NCOR1: variants seen among roughly 807,000 people sequenced by gnomAD.
The protein encoded by NCOR1 is protein phosphatase 1, regulatory subunit 109.
Under a neutral mutation model 288.1 loss-of-function variants are expected in NCOR1, and 63 were observed. The observed-to-expected ratio is 0.22, with a 90% confidence interval of 0.18 to 0.27. The LOEUF is 0.27. NCOR1 is among the 10% of genes least tolerant of loss of function. The probability of loss-of-function intolerance (pLI) is 1.00; values close to 1 mark genes in which losing one functional copy is unlikely to be tolerated. For missense variants in NCOR1, 2,397 were observed against 3,019.2 expected (o/e 0.79, Z 4.83); for synonymous variants, 1,007 against 1,065.9 (o/e 0.94, Z 1.08).
Position 16,068,509 on chromosome 17 carries a change from G to A in NCOR1, c.4514-388C>T. 4 of 213,476 alleles carry A rather than the reference G, an allele frequency of 1.9e-5. No individual in the cohort carries two copies. In the South Asian group the frequency reaches 2.0e-4, roughly 11 times the overall value. 13.2% of individuals were successfully genotyped at this position (213,476 alleles called of 1,614,324 possible). A position where few individuals can be genotyped will look rare whatever the true frequency, so the allele number is the denominator to read the frequency against. Reference sequence around the variant, plus strand: ...ACTTCAGTTTTCTCTCATTGCCTGTGTTATGCAACCTCCTTCCTACCCATT... The same window carrying A: ...ACTTCAGTTTTCTCTCATTGCCTGTATTATGCAACCTCCTTCCTACCCATT... On this transcript the variant is annotated intron_variant, in intron 31 of 45. Coordinates refer to ENST00000268712, the MANE Select transcript of NCOR1 (RefSeq NM_006311.4).
At chr17:16,202,096 C>A (rs974801756) in intron 1 of NCOR1, among the ~76,000 whole-genome samples, 3 of 151,930 alleles carry the variant, frequency 2.0e-5, no homozygotes, top group African/African-American at 7.3e-5. Context: ...TAGTGGCGCA[C>A]GCCTGTAATC....
intron 23 of NCOR1, 92 bp from the exon 24 acceptor site, chr17:16,080,819 T>TA: frequency 8.0e-7 from 1 of 1,256,140 alleles, no homozygotes; most frequent in Non-Finnish European, 1.1e-6. Flanking sequence ...CCATTTCTGT[T>TA]TAAAAAAAAA....
chr17:16,102,502 T>C (rs556395057), intron 19 of NCOR1, among the ~76,000 whole-genome samples: 22 of 152,190 alleles, frequency 1.4e-4, no homozygotes, highest in Non-Finnish European at 2.9e-4. Flanking sequence ...CATTTTAACA[T>C]GTGATCAATA....
At chr17:16,215,057 G>A (rs2092435890) in intron 1 of NCOR1, among the ~76,000 whole-genome samples, 1 of 152,166 alleles carries the variant, frequency 6.6e-6, no homozygotes, top group Non-Finnish European at 1.5e-5. Flanking sequence ...GGCCCTGTAG[G>A]CTCCGCACGC....
intron 1 of NCOR1, among the ~76,000 whole-genome samples, chr17:16,209,699 C>A (rs1298783196): frequency 6.6e-6 from 1 of 150,660 alleles, no homozygotes; most frequent in Non-Finnish European, 1.5e-5. Context: ...CGCCTGTAAT[C>A]CCAACACTTT....
At chr17:16,104,720 T>C (rs2068264621) in intron 19 of NCOR1, among the ~76,000 whole-genome samples, 1 of 152,134 alleles carries the variant, frequency 6.6e-6, no homozygotes, top group Admixed American at 6.5e-5. Context: ...TGCAGTGAGC[T>C]GTGTTCACGC....
At chr17:16,205,950 A>G (rs917033681) in intron 1 of NCOR1, among the ~76,000 whole-genome samples, 26 of 151,972 alleles carry the variant, frequency 1.7e-4, no homozygotes, top group South Asian at 4.1e-4. Flanking sequence ...AAAAAAAAAA[A>G]AAAGAAAGAA....
Position 16,034,909 on chromosome 17 carries a change from T to C in NCOR1, c.6991A>G (p.Asn2331Asp). Reference sequence around the variant, plus strand: ...ATAGGAGACTTAGATTTCCTGCTGTTTGACTTGCTGATCAGCTTTGGTTTG... The same window carrying C: ...ATAGGAGACTTAGATTTCCTGCTGTCTGACTTGCTGATCAGCTTTGGTTTG... Reference protein sequence around the residue: ...VCKPKLISKSNSRKSKSPIPG... With the variant: ...VCKPKLISKSDSRKSKSPIPG... Residue 2331 changes from asparagine to aspartate, a missense_variant, in exon 45 of 46, where the codon AAC becomes GAC. Physicochemically the swap from Asn to Asp is conservative, Grantham distance 23 (BLOSUM62 1). Coordinates refer to ENST00000268712, the MANE Select transcript of NCOR1 (RefSeq NM_006311.4). The C allele has an allele frequency of 6.2e-7, 1 of 1,614,170 alleles. No homozygotes were observed. Among genetic ancestry groups the C allele is most frequent in the Non-Finnish European group, 8.5e-7 (1 of 1,180,018 alleles).
Position 16,070,314 on chromosome 17 carries a change from C to A in NCOR1, c.4364G>T (p.Gly1455Val). Residue 1455 changes from glycine (G) to valine (V), a missense_variant, in exon 31 of 46, where the codon GGC becomes GTC. Transcript: ENST00000268712. ...CAGTGTGGACCTAAGAACGGAGGGG[C>A]CAGAGCTTACCACTGACGTGTGCCG... ...RSRHTSVVSS[G>V]PSVLRSTLHE... 1 of 1,614,040 alleles carries A rather than the reference C, an allele frequency of 6.2e-7. No homozygotes were observed. Among genetic ancestry groups the A allele is most frequent in the Non-Finnish European group, 8.5e-7 (1 of 1,180,012 alleles).
chr17:16,068,715 ATTTTTTTT>A (rs11438641), intron 31 of NCOR1, among the ~76,000 whole-genome samples: 1 of 135,268 alleles, frequency 7.4e-6, no homozygotes, highest in East Asian at 2.1e-4. Flanking sequence ...ATCATCCTCA[ATTTTTTTT>A]TTTTTTTTTT....
chr17:16,107,187 G>A (rs1406289133), intron 19 of NCOR1, among the ~76,000 whole-genome samples: 3 of 152,000 alleles, frequency 2.0e-5, no homozygotes, highest in East Asian at 3.9e-4. Flanking sequence ...GAGCCACTGC[G>A]CCCGGCCCAG....
At chr17:16,154,858 T>TA (rs2079464348) in intron 6 of NCOR1, among the ~76,000 whole-genome samples, 1 of 152,134 alleles carries the variant, frequency 6.6e-6, no homozygotes, top group Admixed American at 6.5e-5. Context: ...GAAAGAAGCG[T>TA]AAGACCAGAC....
intron 42 of NCOR1, among the ~76,000 whole-genome samples, chr17:16,046,569 A>T (rs556490669): frequency 6.6e-6 from 1 of 152,222 alleles, no homozygotes; most frequent in East Asian, 1.9e-4. Flanking sequence ...GATTGAGAGG[A>T]CTCCTGAAAG....
Position 16,075,530 on chromosome 17 carries a change from T to G in NCOR1, c.3670+4A>C. 1.9e-6 allele frequency: 3 copies of G among 1,614,032 alleles called. No homozygotes were observed. The highest frequency in any genetic ancestry group is 2.5e-6 in the Non-Finnish European group (3 of 1,179,932). ...TGGCTTTGGTGCATACATACAATAC[T>G]TACTATCATATGACAAGATATGTCC... On this transcript the variant is annotated splice_donor_region_variant and intron_variant, in intron 27 of 45. Transcript: ENST00000268712.
At chr17:16,048,174 C>T (rs1382070905) in intron 41 of NCOR1, among the ~76,000 whole-genome samples, 5 of 152,208 alleles carry the variant, frequency 3.3e-5, no homozygotes, top group African/African-American at 1.2e-4. Context: ...GTGGAGGGTT[C>T]AGCACTAGGC....
chr17:16,184,640 T>C (rs889289080), intron 3 of NCOR1, among the ~76,000 whole-genome samples: 3 of 152,140 alleles, frequency 2.0e-5, no homozygotes, highest in Non-Finnish European at 1.5e-5. Flanking sequence ...ACAACCATTA[T>C]GGAAAACAGT....
At chr17:16,098,577 T>G (rs1598582219) in intron 20 of NCOR1, 81 bp from the exon 21 acceptor site, 1 of 1,270,364 alleles carries the variant, frequency 7.9e-7, no homozygotes, top group African/African-American at 1.5e-5. Flanking sequence ...TCTTCTAAGT[T>G]AGTATGTACA....
In NCOR1 at chr17:16,117,975, C is replaced by T. The variant is rs200069740; in HGVS notation, c.1968G>A (p.Thr656=). 3.0e-5 allele frequency: 49 copies of T among 1,613,924 alleles called. No individual in the cohort carries two copies. The highest frequency in any genetic ancestry group is 2.7e-4 in the East Asian group (12 of 44,854). The change falls in exon 18 of 46, where the codon ACG becomes ACA. Residue 656 remains threonine, a synonymous_variant. Transcript: ENST00000268712. ...AGTTTTTACATTGAGCTTCACTTTT[C>T]GTTCCCACCATTTTAGCAATTGCTG... ...NWAAIAKMVG[T]KSEAQCKNFY...
intron 19 of NCOR1, chr17:16,108,236 T>A: frequency 3.0e-6 from 1 of 329,712 alleles, no homozygotes; most frequent in Non-Finnish European, 6.1e-6. Flanking sequence ...CTGAAATAAA[T>A]TAGGTATCTT....
Sources: allele counts gnomAD v4.1 joint callset (sites outside exome capture counted in the v4.1 genomes callset), GRCh38; gene constraint gnomAD v4.1.1; transcripts MANE v1.5; gene names NCBI Gene and HGNC (gene_info 2026-07-23, HGNC 2026-07-21).